Variants in UTS2 observed in about 807,000 individuals in gnomAD.
UTS2 encodes urotensin-2.
In UTS2, 10 loss-of-function variants were observed where a neutral mutation model predicts 12.6. The observed-to-expected ratio is 0.80, with a 90% CI of 0.49 to 1.35. The LOEUF is 1.35. Ranked by LOEUF, UTS2 falls within the 40% of genes most tolerant of loss-of-function variation. The probability of loss-of-function intolerance (pLI) is 0.00; values close to 1 mark genes in which losing one functional copy is unlikely to be tolerated. For missense variants in UTS2, 142 were observed against 143.2 expected (o/e 0.99, Z 0.04); for synonymous variants, 52 against 50.0 (o/e 1.04, Z -0.17).
At chr1:7,850,675 A>T (rs2097413021) in intron 2 of UTS2, 137 bp downstream of exon 2, 2 of 801,954 alleles carry the variant, frequency 2.5e-6, no homozygotes, top group Non-Finnish European at 4.0e-6. Flanking sequence ...CCGGGAGGGG[A>T]GAGTGTTGGT....
the UTS2 span, among the ~76,000 whole-genome samples, chr1:7,881,228 A>G: frequency 2.0e-5 from 3 of 152,218 alleles, no homozygotes; most frequent in African/African-American, 7.2e-5. Context: ...AATAACTGAA[A>G]CAAGACAAGG....
the UTS2 span, among the ~76,000 whole-genome samples, chr1:7,878,112 G>A: frequency 6.6e-6 from 1 of 152,330 alleles, no homozygotes; most frequent in African/African-American, 2.4e-5. Flanking sequence ...CAGGCCAGGA[G>A]AGAATCAGAC....
chr1:7,913,000 T>C, the UTS2 span, among the ~76,000 whole-genome samples: 1 of 151,904 alleles, frequency 6.6e-6, no homozygotes. Flanking sequence ...TCTTTTTTTT[T>C]TTTTTTGTTT....
the UTS2 span, among the ~76,000 whole-genome samples, chr1:7,906,256 C>G: frequency 9.2e-5 from 14 of 151,834 alleles, no homozygotes; most frequent in African/African-American, 3.4e-4. Context: ...TTTTTCTAAA[C>G]ATTCCTTTCC....
chr1:7,866,668 T>C, the UTS2 span, among the ~76,000 whole-genome samples: 2 of 152,048 alleles, frequency 1.3e-5, no homozygotes, highest in Non-Finnish European at 2.9e-5. The surrounding 1 kb of genome is among the most constrained non-coding windows in gnomAD (Gnocchi z 4.5). Context: ...GGGAAGGCGC[T>C]TTCTAAGCTG....
chr1:7,911,098 G>A, the UTS2 span, among the ~76,000 whole-genome samples: 2 of 152,048 alleles, frequency 1.3e-5, no homozygotes, highest in Non-Finnish European at 2.9e-5. Context: ...TAGTGAATAA[G>A]GAGGAATTGG....
chr1:7,857,120 G>GAAGGAAGGAAGGAAGGAAGGAAGA (rs1174552711), upstream of UTS2, among the ~76,000 whole-genome samples: 1 of 151,142 alleles, frequency 6.6e-6, no homozygotes, highest in Non-Finnish European at 1.5e-5. Context: ...AGGAAGGAAG[G>GAAGGAAGGAAGGAAGGAAGGAAGA]AAGGAAGGAA....
chr1:7,847,803 C>T lies in UTS2; in HGVS notation c.338G>A (p.Arg113His), dbSNP rs750161647. ...LARIWKPYKK[R>H]ETPDCFWKYC... ...TTTCCAGAAGCAATCAGGAGTCTCACGTTTCTTGTATGGTTTCCAGATTCT... is the reference window on the plus strand; with the variant it reads ...TTTCCAGAAGCAATCAGGAGTCTCATGTTTCTTGTATGGTTTCCAGATTCT... Residue 113 changes from arginine (R) to histidine (H), a missense_variant, in exon 4 of 4, where the codon CGT becomes CAT. Coordinates refer to ENST00000361696, the MANE Select transcript of UTS2 (RefSeq NM_006786.4). 1.2e-5 allele frequency: 20 copies of T among 1,613,806 alleles called. No homozygotes were observed. The highest frequency in any genetic ancestry group is 2.2e-5 in the South Asian group (2 of 91,072).
chr1:7,889,007 G>C, the UTS2 span, among the ~76,000 whole-genome samples: 1 of 151,916 alleles, frequency 6.6e-6, no homozygotes, highest in African/African-American at 2.4e-5. Context: ...TCGAGGGCTG[G>C]TGTGGGGTTA....
chr1:7,894,301 T>A, the UTS2 span, among the ~76,000 whole-genome samples: 4 of 151,746 alleles, frequency 2.6e-5, no homozygotes, highest in African/African-American at 9.7e-5. Context: ...TCCTACCTCA[T>A]CCTCCCAAGT....
At chr1:7,903,479 C>T in the UTS2 span, among the ~76,000 whole-genome samples, 13 of 151,900 alleles carry the variant, frequency 8.6e-5, no homozygotes, top group African/African-American at 2.7e-4. Context: ...CTCCCTTTCC[C>T]GGGTTCAAGC....
the UTS2 span, among the ~76,000 whole-genome samples, chr1:7,859,541 A>AG: frequency 1.3e-5 from 2 of 152,240 alleles, no homozygotes; most frequent in Non-Finnish European, 2.9e-5. Context: ...AAGAGCCTCC[A>AG]GGCAGACGGA....
the UTS2 span, among the ~76,000 whole-genome samples, chr1:7,912,141 A>G: frequency 0.42 from 64,260 of 151,954 alleles, 14,226 homozygotes; most frequent in South Asian, 0.67. Flanking sequence ...AACCTGAAAG[A>G]GGGAATTCTT....
chr1:7,909,627 AT>A, the UTS2 span, among the ~76,000 whole-genome samples: 2 of 151,450 alleles, frequency 1.3e-5, no homozygotes, highest in African/African-American at 2.4e-5. Context: ...GCACTATTTT[AT>A]ATTTTTTTTT....
At chr1:7,847,951 A>G (rs935158196) in intron 3 of UTS2, 69 bp from the exon 4 acceptor site, 39 of 1,143,526 alleles carry the variant, frequency 3.4e-5, no homozygotes, top group Non-Finnish European at 4.5e-5. Flanking sequence ...GACGATTCCT[A>G]TAAGAAAAAG....
the UTS2 span, among the ~76,000 whole-genome samples, chr1:7,880,828 G>A: frequency 6.6e-6 from 1 of 151,992 alleles, no homozygotes. Flanking sequence ...ACCAAACCCA[G>A]ACAAGGACAC....
the UTS2 span, among the ~76,000 whole-genome samples, chr1:7,902,829 C>A: frequency 6.6e-6 from 1 of 152,312 alleles, no homozygotes; most frequent in South Asian, 2.1e-4. Context: ...TTAGCCATCT[C>A]CTTCCCATCC....
the UTS2 span, among the ~76,000 whole-genome samples, chr1:7,865,077 C>A: frequency 3.5e-5 from 1 of 28,754 alleles, no homozygotes; most frequent in Non-Finnish European, 8.5e-5. Flanking sequence ...CCTCCCACAG[C>A]GGTCCCTCTG....
At chr1:7,909,562 A>G in the UTS2 span, among the ~76,000 whole-genome samples, 1 of 145,472 alleles carries the variant, frequency 6.9e-6, no homozygotes. Flanking sequence ...AAAAAAAAAA[A>G]GAAAAAAAAA....
Sources: gnomAD v4.1 joint callset for allele counts (sites outside exome capture counted in the v4.1 genomes callset) on GRCh38, gnomAD v4.1.1 for gene constraint, Gnocchi (gnomAD v3.1) non-coding constraint, MANE v1.5 for transcripts, NCBI Gene and HGNC (gene_info 2026-07-23, HGNC 2026-07-21) for gene names.